Variants in FLVCR2 observed in about 807,000 individuals in gnomAD.
FLVCR2 encodes choline/ethanolamine transporter FLVCR2.
In FLVCR2, 38 loss-of-function variants were observed where a neutral mutation model predicts 48.9. That is an observed-to-expected ratio of 0.78 (90% confidence interval 0.60 to 1.02). The LOEUF is 1.02. Ranked by LOEUF, FLVCR2 falls within the 50% of genes least tolerant of loss-of-function variation. The probability of loss-of-function intolerance (pLI) is 0.00; values close to 1 mark genes in which losing one functional copy is unlikely to be tolerated. For synonymous variants in FLVCR2, 255 were observed against 257.0 expected, an observed-to-expected ratio of 0.99 and a Z score of 0.07; for missense variants, 664 against 663.3, an observed-to-expected ratio of 1.00 and a Z score of -0.01.
At chr14:75,609,682 G>A (rs919960047) in intron 1 of FLVCR2, among the ~76,000 whole-genome samples, 1 of 152,144 alleles carries the variant, frequency 6.6e-6, no homozygotes. Flanking sequence ...TAAGTAATTG[G>A]CAGGGTTTTA....
chr14:75,583,308 A>G (rs978299743), intron 1 of FLVCR2, among the ~76,000 whole-genome samples: 1 of 152,170 alleles, frequency 6.6e-6, no homozygotes, highest in African/African-American at 2.4e-5. Flanking sequence ...CGGTTTTTGG[A>G]CAGGTGAAAT....
intron 3 of FLVCR2, among the ~76,000 whole-genome samples, chr14:75,627,571 G>C (rs1412635042): frequency 6.6e-6 from 1 of 152,188 alleles, no homozygotes; most frequent in African/African-American, 2.4e-5. Flanking sequence ...AGGGAGCAAA[G>C]TCGATTTGGA....
intron 1 of FLVCR2, among the ~76,000 whole-genome samples, chr14:75,616,267 C>T (rs1460587619): frequency 2.0e-5 from 3 of 151,274 alleles, no homozygotes; most frequent in East Asian, 3.9e-4. Context: ...GCGGAGGTTG[C>T]AGTGAGCCAA....
intron 1 of FLVCR2, among the ~76,000 whole-genome samples, chr14:75,592,112 T>C (rs1056497657): frequency 6.6e-6 from 1 of 152,132 alleles, no homozygotes; most frequent in Admixed American, 6.5e-5. Flanking sequence ...ATTTCAAGCA[T>C]GAGCCACTGT....
chr14:75,631,852 A>G (rs1192884985), intron 3 of FLVCR2: 1 of 456,012 alleles, frequency 2.2e-6, no homozygotes, highest in Admixed American at 2.3e-5. Context: ...GCAGATGGGA[A>G]TGCTGCTTGA....
intron 1 of FLVCR2, chr14:75,595,834 C>T (rs1889005858): frequency 5.5e-6 from 5 of 901,890 alleles, no homozygotes; most frequent in South Asian, 5.2e-5. Flanking sequence ...CCAGCACCAA[C>T]ATTGGCCTTT....
chr14:75,595,083 A>G (rs144797895), intron 1 of FLVCR2, among the ~76,000 whole-genome samples: 87 of 152,264 alleles, frequency 5.7e-4, no homozygotes, highest in African/African-American at 2.1e-3. Flanking sequence ...TCTTTAACCC[A>G]TAGATTCTGG....
At chr14:75,624,824 A>G in intron 3 of FLVCR2, 72 bp downstream of exon 3, 3 of 1,557,434 alleles carry the variant, frequency 1.9e-6, no homozygotes, top group Non-Finnish European at 2.6e-6. Context: ...GTGTCTTCAT[A>G]TATTACTCTT....
At chr14:75,625,087 A>T (rs201223080) in intron 3 of FLVCR2, among the ~76,000 whole-genome samples, 15 of 150,474 alleles carry the variant, frequency 1.0e-4, no homozygotes, top group South Asian at 8.3e-4. Flanking sequence ...TTAAAAAAAA[A>T]TTTTTTTGCA....
At chr14:75,638,405 C>G (rs1890221265) in intron 5 of FLVCR2, among the ~76,000 whole-genome samples, 1 of 151,900 alleles carries the variant, frequency 6.6e-6, no homozygotes, top group Non-Finnish European at 1.5e-5. Context: ...CCACTGCACC[C>G]CAGCCTGTGC....
At chr14:75,591,066 T>C (rs913354343) in intron 1 of FLVCR2, among the ~76,000 whole-genome samples, 4 of 152,168 alleles carry the variant, frequency 2.6e-5, no homozygotes, top group Non-Finnish European at 5.9e-5. Context: ...CATTCAAACA[T>C]AGGGTCTTGC....
chr14:75,621,095 G>A (rs980239759), intron 1 of FLVCR2, among the ~76,000 whole-genome samples: 1 of 152,098 alleles, frequency 6.6e-6, no homozygotes, highest in Non-Finnish European at 1.5e-5. Flanking sequence ...TTCTGACCTC[G>A]GAAACACCCA....
chr14:75,638,888 C>T (rs1031900043), intron 5 of FLVCR2, among the ~76,000 whole-genome samples: 1 of 152,138 alleles, frequency 6.6e-6, no homozygotes, highest in African/African-American at 2.4e-5. Flanking sequence ...GTCCATCACC[C>T]TCATGGAGAG....
At chr14:75,643,829 C>T (rs1890355761) in intron 9 of FLVCR2, among the ~76,000 whole-genome samples, 1 of 152,098 alleles carries the variant, frequency 6.6e-6, no homozygotes, top group Non-Finnish European at 1.5e-5. Context: ...GCCTGTAATC[C>T]CAGTACTTTG....
chr14:75,625,017 A>C (rs1260334789), intron 3 of FLVCR2, among the ~76,000 whole-genome samples: 1 of 149,682 alleles, frequency 6.7e-6, no homozygotes, highest in African/African-American at 2.6e-5. Context: ...TTTGTAAAGC[A>C]GTAGTAGGTA....
At chr14:75,579,954 T>C (rs949305906) in intron 1 of FLVCR2, among the ~76,000 whole-genome samples, 3 of 152,252 alleles carry the variant, frequency 2.0e-5, no homozygotes, top group African/African-American at 7.2e-5. Context: ...AGGAATGCTC[T>C]TCTGTCTGGC....
In FLVCR2 at chr14:75,648,111, T is replaced by C. The variant is rs1890460918; in HGVS notation, c.*1639T>C. On this transcript the variant is annotated 3_prime_UTR_variant, in exon 10 of 10. Coordinates refer to ENST00000238667, the MANE Select transcript of FLVCR2 (RefSeq NM_017791.3). ...CTATTGCTTTATTTTAAAAACATAA[T>C]TTGTGTTTTCTATTTGTAAGATCTG... 1 of 152,634 alleles carries C rather than the reference T, an allele frequency of 6.6e-6. No individual in the cohort carries two copies. The allele number at this position is 152,634 out of a possible 1,614,324, so 9.5% of individuals were successfully genotyped here. A position where few individuals can be genotyped will look rare whatever the true frequency, so the allele number is the denominator to read the frequency against.
chr14:75,611,311 C>G (rs1340937240), intron 1 of FLVCR2, among the ~76,000 whole-genome samples: 2 of 152,114 alleles, frequency 1.3e-5, no homozygotes, highest in Non-Finnish European at 2.9e-5. Flanking sequence ...TGAGGGCAGT[C>G]ACTTTTCTGT....
intron 6 of FLVCR2, among the ~76,000 whole-genome samples, chr14:75,640,431 G>GTC (rs1484355501): frequency 6.6e-6 from 1 of 151,876 alleles, no homozygotes; most frequent in Non-Finnish European, 1.5e-5. Context: ...GTGTGTGTGT[G>GTC]TGTCTGTATG....
Sources: allele counts gnomAD v4.1 joint callset (sites outside exome capture counted in the v4.1 genomes callset), GRCh38; gene constraint gnomAD v4.1.1; transcripts MANE v1.5; gene names NCBI Gene and HGNC (gene_info 2026-07-23, HGNC 2026-07-21).